Variants in HTR7 observed in about 807,000 individuals in gnomAD.
HTR7 encodes the protein 5-hydroxytryptamine receptor 7.
Under a neutral mutation model 34.0 loss-of-function variants are expected in HTR7, and 16 were observed. The ratio of observed to expected loss-of-function variants is 0.47; its 90% CI spans 0.32 to 0.71. The LOEUF is 0.71. Ranked by LOEUF, HTR7 falls within the 30% of genes least tolerant of loss-of-function variation. The pLI, the probability that HTR7 is intolerant of heterozygous loss-of-function variation, is 0.04. For synonymous variants in HTR7, 265 were observed against 260.2 expected, an observed-to-expected ratio of 1.02 and a Z score of -0.18; for missense variants, 504 against 625.5, an observed-to-expected ratio of 0.81 and a Z score of 2.07.
rs754591406 is a variant in HTR7, at chr10:90,857,556, G to T, written c.116C>A (p.Pro39Gln). ...PDLSPDGGAD[P>Q]VAGSWAPHLL... ...GTGCGGCGCCCAGGAGCCCGCGACC[G>T]GGTCGGCGCCACCGTCGGGGCTCAA... Residue 39 changes from proline (P) to glutamine (Q), a missense_variant, in exon 1 of 4, where the codon CCG (proline) becomes CAG (glutamine). Physicochemically the swap from Pro to Gln is moderately conservative, Grantham distance 76. Around this residue, in one of 4 missense-constraint regions of HTR7, gnomAD observed 139 missense variants for 117.1 expected, o/e 1.19. Transcript: ENST00000336152. This position sits in a 1 kb window ranked among gnomAD's most constrained non-coding sequence, Gnocchi z 6.5. The T allele has an allele frequency of 2.5e-5, 40 of 1,597,500 alleles. No homozygotes were observed. The highest frequency in any genetic ancestry group is 3.0e-5 in the Non-Finnish European group (35 of 1,173,252).
intron 1 of HTR7, among the ~76,000 whole-genome samples, chr10:90,808,568 TCC>T (rs919568308): frequency 6.6e-6 from 1 of 151,236 alleles, no homozygotes; most frequent in African/African-American, 2.4e-5. Flanking sequence ...TGCGCCCTGA[TCC>T]CTTATTTCCA....
intron 1 of HTR7, among the ~76,000 whole-genome samples, chr10:90,831,445 A>G (rs1012700923): frequency 6.6e-6 from 1 of 151,978 alleles, no homozygotes; most frequent in Admixed American, 6.6e-5. Context: ...TTCAGGAGTG[A>G]AGCTGCAAAT....
At chr10:90,775,081 C>G (rs1845185161) in intron 1 of HTR7, among the ~76,000 whole-genome samples, 1 of 152,176 alleles carries the variant, frequency 6.6e-6, no homozygotes, top group African/African-American at 2.4e-5. Flanking sequence ...TACCCATACT[C>G]TCATCACTCA....
intron 1 of HTR7, among the ~76,000 whole-genome samples, chr10:90,801,295 T>C (rs1845622068): frequency 1.3e-5 from 2 of 152,184 alleles, no homozygotes; most frequent in Non-Finnish European, 2.9e-5. Context: ...GAAATCACTT[T>C]TTCTGTTTTT....
intron 1 of HTR7, among the ~76,000 whole-genome samples, chr10:90,849,935 C>T (rs1018407650): frequency 6.6e-6 from 1 of 152,186 alleles, no homozygotes; most frequent in Non-Finnish European, 1.5e-5. Flanking sequence ...CACAGGGAGG[C>T]AAGCCAATAT....
chr10:90,831,365 G>A (rs1237928408), intron 1 of HTR7, among the ~76,000 whole-genome samples: 2 of 152,026 alleles, frequency 1.3e-5, no homozygotes, highest in Non-Finnish European at 2.9e-5. Context: ...CCTTGGCGGT[G>A]AGTGTTACAG....
At chr10:90,774,002 G>T (rs1589445034) in intron 1 of HTR7, among the ~76,000 whole-genome samples, 2 of 152,008 alleles carry the variant, frequency 1.3e-5, no homozygotes, top group East Asian at 1.9e-4. Context: ...GCTGACATTT[G>T]TGATACATTC....
In HTR7 at chr10:90,773,674, T is replaced by G. The variant is rs1564677106; in HGVS notation, c.540-24080A>C. Among the ~76,000 whole-genome samples the G allele has an allele frequency of 2.6e-5, 4 of 152,222 alleles. No individual in the cohort carries two copies. In the South Asian group the frequency reaches 8.3e-4, roughly 31 times the overall value. ...CTCTATGTTCAATTGCTTTGATTTT[T>G]AGATCCCACAGGTGAAAACATGTGA... On this transcript the variant is annotated intron_variant, in intron 1 of 3. Coordinates refer to ENST00000336152, the MANE Select transcript of HTR7 (RefSeq NM_019859.4).
chr10:90,820,490 A>C (rs1845962584), intron 1 of HTR7, among the ~76,000 whole-genome samples: 1 of 152,236 alleles, frequency 6.6e-6, no homozygotes, highest in Non-Finnish European at 1.5e-5. Context: ...ACCTGCTGTA[A>C]GAAATGTGCC....
chr10:90,810,634 A>C (rs1439810868), intron 1 of HTR7, among the ~76,000 whole-genome samples: 1 of 152,086 alleles, frequency 6.6e-6, no homozygotes, highest in Admixed American at 6.5e-5. Flanking sequence ...TCCTATCCTC[A>C]ATACCTCCCT....
At chr10:90,852,334 T>C (rs1846514354) in intron 1 of HTR7, among the ~76,000 whole-genome samples, 1 of 152,132 alleles carries the variant, frequency 6.6e-6, no homozygotes, top group Non-Finnish European at 1.5e-5. Flanking sequence ...GATAAACATG[T>C]AAGCAAAGAA....
At chr10:90,844,530 C>T (rs1369259393) in intron 1 of HTR7, among the ~76,000 whole-genome samples, 1 of 151,228 alleles carries the variant, frequency 6.6e-6, no homozygotes. Context: ...TCGAGACCAT[C>T]CTGGCTAACA....
At chr10:90,813,072 C>A (rs1845840851) in intron 1 of HTR7, among the ~76,000 whole-genome samples, 1 of 152,034 alleles carries the variant, frequency 6.6e-6, no homozygotes, top group South Asian at 2.1e-4. Context: ...CCACTCCTGC[C>A]CGCCAGAGAA....
At chr10:90,801,315 T>G (rs1845622397) in intron 1 of HTR7, among the ~76,000 whole-genome samples, 1 of 152,190 alleles carries the variant, frequency 6.6e-6, no homozygotes, top group Non-Finnish European at 1.5e-5. Context: ...TTGGTTTTAG[T>G]CTATCTTCCA....
At chr10:90,761,241 TCATA>T (rs1844929224) in intron 1 of HTR7, among the ~76,000 whole-genome samples, 1 of 152,206 alleles carries the variant, frequency 6.6e-6, no homozygotes. Flanking sequence ...GTTTTCTTCT[TCATA>T]TTTTTTATAA....
At chr10:90,769,076 C>A (rs1402347786) in intron 1 of HTR7, among the ~76,000 whole-genome samples, 2 of 152,172 alleles carry the variant, frequency 1.3e-5, no homozygotes, top group Non-Finnish European at 2.9e-5. Flanking sequence ...GGGTGTGTGT[C>A]CCAGAGCCAT....
chr10:90,857,745 C>T lies in HTR7; in HGVS notation c.-74G>A. On this transcript the variant is annotated 5_prime_UTR_variant, in exon 1 of 4. The change abolishes the stop of an existing upstream ORF in the 5' untranslated region. Transcript: ENST00000336152. The surrounding 1 kb of genome is among the most constrained non-coding windows in gnomAD (Gnocchi z 6.5). ...CCTCCGGCTGCCGGCCCCGGGGCTT[C>T]ACCTCACCGGTTCCGCTCCGCCCGG... 1 of 1,365,840 alleles carries T rather than the reference C, an allele frequency of 7.3e-7. No individual in the cohort carries two copies. Among genetic ancestry groups the T allele is most frequent in the Non-Finnish European group, 9.4e-7 (1 of 1,060,076 alleles). 84.6% of individuals were successfully genotyped at this position (1,365,840 alleles called of 1,614,324 possible).
chr10:90,771,163 G>A (rs1564676187), intron 1 of HTR7, among the ~76,000 whole-genome samples: 1 of 152,186 alleles, frequency 6.6e-6, no homozygotes, highest in Non-Finnish European at 1.5e-5. Flanking sequence ...GCAAAGAGGA[G>A]CTACCCTCTC....
chr10:90,830,536 T>C (rs565769646), intron 1 of HTR7, among the ~76,000 whole-genome samples: 8 of 152,282 alleles, frequency 5.3e-5, no homozygotes, highest in South Asian at 4.2e-4. Context: ...CCTGTAATTC[T>C]AGCACTTTGG....
Sources: gnomAD v4.1 joint callset for allele counts (sites outside exome capture counted in the v4.1 genomes callset) on GRCh38, gnomAD v4.1.1 for gene constraint, gnomAD v4.1.1 regional missense constraint, Gnocchi (gnomAD v3.1) non-coding constraint, MANE v1.5 for transcripts, NCBI Gene and HGNC (gene_info 2026-07-23, HGNC 2026-07-21) for gene names.